The following PCDHGB7 variants were observed in gnomAD, a reference collection of about 807,000 sequenced individuals.
The protein encoded by PCDHGB7 is protocadherin gamma subfamily B, 7.
Under a neutral mutation model 61.4 loss-of-function variants are expected in PCDHGB7, and 37 were observed. The observed-to-expected ratio is 0.60, with a 90% CI of 0.46 to 0.79. The LOEUF (loss-of-function observed/expected upper bound fraction) is 0.79. Among genes scored for constraint, PCDHGB7 ranks in the 30% least tolerant of loss-of-function variants. The probability of loss-of-function intolerance (pLI) is 0.00; values close to 1 mark genes in which losing one functional copy is unlikely to be tolerated. For missense variants in PCDHGB7, 1,166 were observed against 1,202.5 expected (o/e 0.97, Z 0.45); for synonymous variants, 464 against 503.5 (o/e 0.92, Z 1.05).
rs747722740 is a variant in PCDHGB7, at chr5:141,485,835, C to G, written c.2416-8972C>G. 3 of 1,614,190 alleles carry G rather than the reference C, an allele frequency of 1.9e-6. No homozygotes were observed. In the South Asian group the frequency reaches 3.3e-5, roughly 18 times the overall value. On this transcript the variant is annotated intron_variant, in intron 1 of 3. Transcript: ENST00000398594. This position sits in a 1 kb window ranked among gnomAD's most constrained non-coding sequence, Gnocchi z 5.7. ...ACTGCTGTCGATGGAGGGAACCCGC[C>G]GAGATCTGGCACCGCAGAGCTCCGG...
intron 2 of PCDHGB7, among the ~76,000 whole-genome samples, chr5:141,505,177 A>G (rs917485235): frequency 6.6e-6 from 1 of 152,180 alleles, no homozygotes; most frequent in East Asian, 1.9e-4. Flanking sequence ...AAAAGAAAAA[A>G]GCATCGGAGG....
intron 1 of PCDHGB7, among the ~76,000 whole-genome samples, chr5:141,480,916 A>C (rs991166066): frequency 6.6e-6 from 1 of 152,106 alleles, no homozygotes; most frequent in East Asian, 1.9e-4. Flanking sequence ...ATGGTGGCGC[A>C]TACCTGTAGT....
At position 141,490,376 on chromosome 5, in the gene PCDHGB7, CA is replaced by C; in HGVS notation, c.2416-4430del. 1 of 1,614,184 alleles carries C rather than the reference CA, an allele frequency of 6.2e-7. No individual in the cohort carries two copies. Among genetic ancestry groups the C allele is most frequent in the African/African-American group, 1.3e-5 (1 of 75,030 alleles). On this transcript the variant is annotated intron_variant, in intron 1 of 3. Coordinates refer to ENST00000398594, the MANE Select transcript of PCDHGB7 (RefSeq NM_018927.4). This position sits in a 1 kb window ranked among gnomAD's most constrained non-coding sequence, Gnocchi z 5.4. ...TTGTTTAATGTGCGAGACCGGGACTCAGGTAGAAATGGTGAAGTGAGCCTTG... is the reference window on the plus strand; with the variant it reads ...TTGTTTAATGTGCGAGACCGGGACTCGGTAGAAATGGTGAAGTGAGCCTTG...
chr5:141,491,493 G>A lies in PCDHGB7; in HGVS notation c.2416-3314G>A, dbSNP rs1008591563. On this transcript the variant is annotated intron_variant, in intron 1 of 3. Transcript: ENST00000398594. This position sits in a 1 kb window ranked among gnomAD's most constrained non-coding sequence, Gnocchi z 6.9. ...AGCAGTCCAGCCCCAACCTGCAGGT[G>A]AGCTCGGACGGCACGCTCAAGTACA... 6.2e-7 allele frequency: 1 copy of A among 1,614,000 alleles called. No homozygotes were observed. Among genetic ancestry groups the A allele is most frequent in the African/African-American group, 1.3e-5 (1 of 74,928 alleles).
At chr5:141,440,779 GC>G (rs2154559027) in intron 1 of PCDHGB7, 1 of 152,294 alleles carries the variant, frequency 6.6e-6, no homozygotes, top group Admixed American at 6.5e-5. Flanking sequence ...AGTGCTAGCA[GC>G]CTTAGACGGC....
At chr5:141,441,663 G>A (rs777315226) in intron 1 of PCDHGB7, 20 of 260,482 alleles carry the variant, frequency 7.7e-5, no homozygotes, top group Non-Finnish European at 1.2e-4. Context: ...GTCCTTGAGC[G>A]CACAGTGCGC....
At chr5:141,450,241 C>T (rs1236675009) in intron 1 of PCDHGB7, among the ~76,000 whole-genome samples, 1 of 152,094 alleles carries the variant, frequency 6.6e-6, no homozygotes, top group East Asian at 1.9e-4. Flanking sequence ...TAGTCTTGAA[C>T]TCCTGACCTC....
Position 141,485,835 on chromosome 5 carries a change from C to T in PCDHGB7, c.2416-8972C>T, listed in dbSNP as rs747722740. On this transcript the variant is annotated intron_variant, in intron 1 of 3. Transcript: ENST00000398594. This position sits in a 1 kb window ranked among gnomAD's most constrained non-coding sequence, Gnocchi z 5.7. ...ACTGCTGTCGATGGAGGGAACCCGC[C>T]GAGATCTGGCACCGCAGAGCTCCGG... 6.2e-7 allele frequency: 1 copy of T among 1,614,190 alleles called. No homozygotes were observed. Among genetic ancestry groups the T allele is most frequent in the Non-Finnish European group, 8.5e-7 (1 of 1,180,048 alleles).
At chr5:141,502,398 C>T (rs1303456458) in intron 2 of PCDHGB7, among the ~76,000 whole-genome samples, 1 of 151,688 alleles carries the variant, frequency 6.6e-6, no homozygotes, top group Non-Finnish European at 1.5e-5. Flanking sequence ...TTAAAATGTC[C>T]CCGAACCTGG....
chr5:141,429,741 C>T (rs2097240604), intron 1 of PCDHGB7, among the ~76,000 whole-genome samples: 1 of 152,106 alleles, frequency 6.6e-6, no homozygotes, highest in Admixed American at 6.5e-5. Flanking sequence ...CCAGTTATTT[C>T]TTAGGGAGAA....
rs1185020546 is a variant in PCDHGB7, at chr5:141,485,472, C to A, written c.2416-9335C>A. 3 of 1,614,138 alleles carry A rather than the reference C, an allele frequency of 1.9e-6. No homozygotes were observed. Among genetic ancestry groups the A allele is most frequent in the Non-Finnish European group, 2.5e-6 (3 of 1,180,022 alleles). On this transcript the variant is annotated intron_variant, in intron 1 of 3. Transcript: ENST00000398594. The surrounding 1 kb of genome is among the most constrained non-coding windows in gnomAD (Gnocchi z 5.7). The stretch of plus-strand genomic sequence containing the variant: ...CGAGAGGCACTGTGTGGGCTCAGTG[C>A]CAGCTGCATCGTGCCCCTGGAGTTT...
At chr5:141,450,067 T>C (rs1007808503) in intron 1 of PCDHGB7, among the ~76,000 whole-genome samples, 4 of 147,604 alleles carry the variant, frequency 2.7e-5, no homozygotes, top group African/African-American at 1.0e-4. Context: ...AATGCAGTGG[T>C]ATGATCTTGG....
At chr5:141,424,547 T>A (rs1484479408) in intron 1 of PCDHGB7, 2 of 152,238 alleles carry the variant, frequency 1.3e-5, no homozygotes, top group African/African-American at 4.8e-5. Flanking sequence ...AACTTGATTT[T>A]GATTCAGTGC....
At chr5:141,500,475 C>T (rs1193752670) in intron 2 of PCDHGB7, among the ~76,000 whole-genome samples, 1 of 152,024 alleles carries the variant, frequency 6.6e-6, no homozygotes, top group African/African-American at 2.4e-5. Flanking sequence ...TCCCAAAGTG[C>T]TGGGATTACA....
intron 1 of PCDHGB7, among the ~76,000 whole-genome samples, chr5:141,451,780 C>T (rs988572200): frequency 6.6e-6 from 1 of 152,016 alleles, no homozygotes; most frequent in Non-Finnish European, 1.5e-5. Flanking sequence ...ACTCAGGAGG[C>T]TGAGGCCAGA....
Position 141,464,191 on chromosome 5 carries a change from G to C in PCDHGB7, c.2416-30616G>C, listed in dbSNP as rs185888723. Among the ~76,000 whole-genome samples, 583 of 151,818 alleles carry C rather than the reference G, an allele frequency of 3.8e-3. 6 individuals are homozygous for C. Among genetic ancestry groups the C allele is most frequent in the Admixed American group, 0.011 (166 of 15,202 alleles). On this transcript the variant is annotated intron_variant, in intron 1 of 3. Transcript: ENST00000398594. ...GAGGCAGGAGAATTGCTTGATTTCA[G>C]GAGGCGGAGATTGCAGTGAGCTGAG...
Position 141,486,059 on chromosome 5 carries a change from C to A in PCDHGB7, c.2416-8748C>A. On this transcript the variant is annotated intron_variant, in intron 1 of 3. Transcript: ENST00000398594. This position sits in a 1 kb window ranked among gnomAD's most constrained non-coding sequence, Gnocchi z 5.0. ...TCGTGTAAGAAACCTCTTTAGCCTG[C>A]ACCCCACTACTGGAAAGCTTACTCT... 1 of 1,614,152 alleles carries A rather than the reference C, an allele frequency of 6.2e-7. No homozygotes were observed. Among genetic ancestry groups the A allele is most frequent in the Non-Finnish European group, 8.5e-7 (1 of 1,180,010 alleles).
In PCDHGB7 at chr5:141,476,886, C is replaced by T; in HGVS notation, c.2416-17921C>T. ...TACCGGGCGCGCGTCCTGGAGGATG[C>T]ACCCTCCGGCACGCGCGTGGTACAA... On this transcript the variant is annotated intron_variant, in intron 1 of 3. Transcript: ENST00000398594. This position sits in a 1 kb window ranked among gnomAD's most constrained non-coding sequence, Gnocchi z 7.6. The T allele has an allele frequency of 9.9e-6, 16 of 1,613,924 alleles. No individual in the cohort carries two copies. Among genetic ancestry groups the T allele is most frequent in the Non-Finnish European group, 1.4e-5 (16 of 1,180,032 alleles).
chr5:141,428,459 A>C, intron 1 of PCDHGB7: 2 of 350,154 alleles, frequency 5.7e-6, no homozygotes, highest in Non-Finnish European at 5.5e-6. Context: ...CCCAACTACA[A>C]TGAGGGAACT....
Sources: gnomAD v4.1 joint callset for allele counts (sites outside exome capture counted in the v4.1 genomes callset) on GRCh38, gnomAD v4.1.1 for gene constraint, Gnocchi (gnomAD v3.1) non-coding constraint, MANE v1.5 for transcripts, NCBI Gene and HGNC (gene_info 2026-07-23, HGNC 2026-07-21) for gene names.